The following SPIDR variants were observed in gnomAD, a reference collection of about 807,000 sequenced individuals.
SPIDR encodes the protein scaffold protein involved in DNA repair.
SPIDR carries 93 observed loss-of-function variants against 104.6 expected under a neutral mutation model. The ratio of observed to expected loss-of-function variants is 0.89; its 90% CI spans 0.75 to 1.06. SPIDR has a LOEUF of 1.06. Ranked by LOEUF, SPIDR falls within the 50% of genes least tolerant of loss-of-function variation. SPIDR has a pLI of 0.00. For missense variants in SPIDR, 1,154 were observed against 1,111.2 expected (o/e 1.04, Z -0.55); for synonymous variants, 431 against 416.9 (o/e 1.03, Z -0.41).
intron 10 of SPIDR, among the ~76,000 whole-genome samples, chr8:47,639,934 A>G (rs1333901067): frequency 1.3e-5 from 2 of 152,102 alleles, no homozygotes; most frequent in Admixed American, 6.6e-5. Flanking sequence ...GTGACAAAAA[A>G]AAAAAAAGAG....
chr8:47,277,454 C>T (rs1165294005), intron 1 of SPIDR, among the ~76,000 whole-genome samples: 1 of 151,800 alleles, frequency 6.6e-6, no homozygotes, highest in Non-Finnish European at 1.5e-5. Context: ...CAGCCTCAAA[C>T]TCCTGGGCTC....
intron 8 of SPIDR, among the ~76,000 whole-genome samples, chr8:47,529,577 T>C (rs1158389196): frequency 6.6e-6 from 1 of 151,968 alleles, no homozygotes; most frequent in African/African-American, 2.4e-5. Context: ...AAGGCTACCT[T>C]GCAAGAAATG....
intron 14 of SPIDR, among the ~76,000 whole-genome samples, chr8:47,703,581 A>G (rs536127500): frequency 2.0e-5 from 3 of 152,238 alleles, no homozygotes; most frequent in Non-Finnish European, 4.4e-5. Context: ...ATGAATGAGC[A>G]GGGCTGTGTT....
intron 5 of SPIDR, among the ~76,000 whole-genome samples, chr8:47,357,531 C>G (rs72644599): frequency 0.022 from 3,281 of 152,254 alleles, 51 homozygotes; most frequent in Non-Finnish European, 0.036. Flanking sequence ...AATCAAACTT[C>G]TTTATTTATC....
chr8:47,734,144 G>A (rs58105400), intron 19 of SPIDR, among the ~76,000 whole-genome samples: 3,640 of 152,272 alleles, frequency 0.024, 162 homozygotes, highest in African/African-American at 0.081. Flanking sequence ...CTGGGCATTA[G>A]CGGGTGCCCC....
At chr8:47,682,306 C>G (rs1282815173) in intron 11 of SPIDR, among the ~76,000 whole-genome samples, 4 of 148,330 alleles carry the variant, frequency 2.7e-5, no homozygotes, top group Non-Finnish European at 5.9e-5. Flanking sequence ...TGCCTTGTGA[C>G]TCCCGTATTG....
intron 5 of SPIDR, among the ~76,000 whole-genome samples, chr8:47,302,983 G>GTACA (rs1257703223): frequency 2.0e-4 from 30 of 152,104 alleles, no homozygotes; most frequent in Admixed American, 5.9e-4. Flanking sequence ...TGTCAGACAG[G>GTACA]TACATTTAAT....
At chr8:47,466,783 A>G (rs782221857) in intron 8 of SPIDR, among the ~76,000 whole-genome samples, 41 of 151,504 alleles carry the variant, frequency 2.7e-4, no homozygotes, top group Non-Finnish European at 4.6e-4. Flanking sequence ...AAGCAAACCA[A>G]CTCAGAAGCT....
At chr8:47,285,607 G>A (rs2038685946) in intron 3 of SPIDR, among the ~76,000 whole-genome samples, 1 of 152,050 alleles carries the variant, frequency 6.6e-6, no homozygotes, top group African/African-American at 2.4e-5. Flanking sequence ...GTAGATGATT[G>A]CCTTCTTCCT....
At chr8:47,468,029 T>C (rs1554718664) in intron 8 of SPIDR, among the ~76,000 whole-genome samples, 3 of 152,098 alleles carry the variant, frequency 2.0e-5, no homozygotes, top group African/African-American at 7.2e-5. Flanking sequence ...GCAAAATCAG[T>C]GCGCAAAATT....
chr8:47,393,727 C>A (rs1446160898), intron 5 of SPIDR, among the ~76,000 whole-genome samples: 1 of 95,476 alleles, frequency 1.0e-5, no homozygotes, highest in East Asian at 3.3e-4. Flanking sequence ...CCTTTCCTTT[C>A]CTTTCCTTCC....
intron 8 of SPIDR, among the ~76,000 whole-genome samples, chr8:47,485,403 C>T (rs782134259): frequency 3.3e-5 from 5 of 152,200 alleles, no homozygotes; most frequent in Admixed American, 6.5e-5. Context: ...GGCTTGCCTG[C>T]CTCTGTAAAC....
intron 8 of SPIDR, among the ~76,000 whole-genome samples, chr8:47,529,564 A>G (rs1382131769): frequency 6.6e-6 from 1 of 152,194 alleles, no homozygotes; most frequent in Non-Finnish European, 1.5e-5. Context: ...ATTTGTCACT[A>G]CTAAGGCTAC....
rs1228173922 is a variant in SPIDR, at chr8:47,396,771, G to C, written c.776+145G>C. On this transcript the variant is annotated intron_variant, in intron 6 of 19. Transcript: ENST00000297423. ...AATGGAATGTTCATCGAAGTTGAGGGTCATGGCTTTACTCATGCCCAGCAG... is the reference window on the plus strand; with the variant it reads ...AATGGAATGTTCATCGAAGTTGAGGCTCATGGCTTTACTCATGCCCAGCAG... 10 of 876,742 alleles carry C rather than the reference G, an allele frequency of 1.1e-5. No homozygotes were observed. The African/African-American group carries it at 1.7e-4, about 15-fold the overall frequency. 54.3% of individuals were successfully genotyped at this position (876,742 alleles called of 1,614,324 possible). A position where few individuals can be genotyped will look rare whatever the true frequency, so the allele number is the denominator to read the frequency against.
intron 5 of SPIDR, among the ~76,000 whole-genome samples, chr8:47,342,914 A>G (rs2051068219): frequency 6.6e-6 from 1 of 152,320 alleles, no homozygotes; most frequent in East Asian, 1.9e-4. Flanking sequence ...CAAATCTCCC[A>G]GTCGCATCTA....
At chr8:47,456,738 G>C (rs782373026) in intron 8 of SPIDR, among the ~76,000 whole-genome samples, 2 of 152,050 alleles carry the variant, frequency 1.3e-5, no homozygotes, top group Non-Finnish European at 2.9e-5. Context: ...AACCCAATTT[G>C]TAGTCTTTTC....
intron 8 of SPIDR, among the ~76,000 whole-genome samples, chr8:47,519,205 C>T (rs1208488447): frequency 2.0e-5 from 3 of 152,020 alleles, no homozygotes; most frequent in South Asian, 2.1e-4. Flanking sequence ...AATGCAGTGG[C>T]GCGATCTCAG....
intron 6 of SPIDR, 124 bp downstream of exon 6, chr8:47,396,750 G>C: frequency 7.7e-6 from 8 of 1,038,412 alleles, no homozygotes; most frequent in Non-Finnish European, 1.1e-5. Flanking sequence ...CTGATTAATG[G>C]AATGTTCATC....
At chr8:47,296,999 C>T (rs977347793) in intron 5 of SPIDR, among the ~76,000 whole-genome samples, 17 of 152,070 alleles carry the variant, frequency 1.1e-4, no homozygotes, top group Admixed American at 2.6e-4. Context: ...CTACTGTAAA[C>T]GGGATTGAGT....
Sources: gnomAD v4.1 joint callset for allele counts (sites outside exome capture counted in the v4.1 genomes callset) on GRCh38, gnomAD v4.1.1 for gene constraint, MANE v1.5 for transcripts, NCBI Gene and HGNC (gene_info 2026-07-23, HGNC 2026-07-21) for gene names.